The following RMDN1 variants were observed in gnomAD, a reference collection of about 807,000 sequenced individuals.
The protein encoded by RMDN1 is regulator of microtubule dynamics 1.
A neutral mutation model predicts 48.9 loss-of-function variants in RMDN1; 48 were observed. The observed-to-expected ratio is 0.98, with a 90% CI of 0.78 to 1.25. The LOEUF is 1.25. Ranked by LOEUF, RMDN1 falls within the 50% of genes most tolerant of loss-of-function variation. RMDN1 has a pLI of 0.00. For synonymous variants in RMDN1, 148 were observed against 132.6 expected, an observed-to-expected ratio of 1.12 and a Z score of -0.80; for missense variants, 418 against 373.4, an observed-to-expected ratio of 1.12 and a Z score of -0.98.
chr8:86,507,735 T>G (rs1001321275), intron 1 of RMDN1, among the ~76,000 whole-genome samples: 1 of 152,184 alleles, frequency 6.6e-6, no homozygotes, highest in African/African-American at 2.4e-5. Flanking sequence ...GCCTATATTA[T>G]CTATAACCTC....
intron 3 of RMDN1, among the ~76,000 whole-genome samples, chr8:86,487,658 AT>A (rs751768821): frequency 7.2e-5 from 11 of 152,146 alleles, no homozygotes; most frequent in South Asian, 6.2e-4. Context: ...TCCTAACTTT[AT>A]TTTTTTAACA....
chr8:86,504,447 G>T, intron 2 of RMDN1: 1 of 1,561,174 alleles, frequency 6.4e-7, no homozygotes, highest in Non-Finnish European at 8.8e-7. Context: ...TCAATGTTGT[G>T]TTCTATTACT....
chr8:86,504,467 T>C, intron 2 of RMDN1: 2 of 1,555,984 alleles, frequency 1.3e-6, no homozygotes, highest in Non-Finnish European at 1.8e-6. Flanking sequence ...TCAACAGGAA[T>C]CTTCAAGGAT....
downstream of RMDN1, among the ~76,000 whole-genome samples, chr8:86,469,499 T>C (rs972444587): frequency 2.6e-5 from 4 of 152,126 alleles, no homozygotes; most frequent in Non-Finnish European, 4.4e-5. Context: ...TACCATTTCA[T>C]AGATTGCTGT....
intron 2 of RMDN1, among the ~76,000 whole-genome samples, chr8:86,498,686 T>C (rs549899607): frequency 1.3e-5 from 2 of 152,082 alleles, no homozygotes; most frequent in South Asian, 4.2e-4. Context: ...GAGGTGGAAG[T>C]GGGAGGATCA....
chr8:86,506,762 A>C (rs1819431560), intron 2 of RMDN1, among the ~76,000 whole-genome samples: 1 of 152,168 alleles, frequency 6.6e-6, no homozygotes, highest in African/African-American at 2.4e-5. Flanking sequence ...AGTGGGGTTT[A>C]GCTGGAAAAG....
At chr8:86,469,532 AG>A (rs1451583956), downstream of RMDN1, among the ~76,000 whole-genome samples, 1 of 152,142 alleles carries the variant, frequency 6.6e-6, no homozygotes, top group Non-Finnish European at 1.5e-5. Flanking sequence ...TTCTGAGAGG[AG>A]GTTCAAAATT....
At chr8:86,501,051 G>C (rs986034183) in intron 2 of RMDN1, among the ~76,000 whole-genome samples, 1 of 152,120 alleles carries the variant, frequency 6.6e-6, no homozygotes, top group Non-Finnish European at 1.5e-5. Flanking sequence ...TACTAGAATG[G>C]GGAGGGCAGG....
chr8:86,508,833 G>A (rs189697201), upstream of RMDN1: 2 of 1,267,054 alleles, frequency 1.6e-6, no homozygotes, highest in Non-Finnish European at 2.0e-6. Flanking sequence ...GGGACTTAAT[G>A]GACTTTCCGC....
At chr8:86,481,990 T>C in intron 5 of RMDN1, 1 of 852,108 alleles carries the variant, frequency 1.2e-6, no homozygotes, top group Non-Finnish European at 2.0e-6. Context: ...GGAAATGGTG[T>C]CCAGGAGTAC....
intron 2 of RMDN1, among the ~76,000 whole-genome samples, chr8:86,506,041 A>G (rs1474559813): frequency 6.6e-6 from 1 of 152,210 alleles, no homozygotes; most frequent in Non-Finnish European, 1.5e-5. Context: ...AATGGAGTCA[A>G]GGGAAGGGAA....
chr8:86,494,488 C>T (rs1816997223), intron 2 of RMDN1, among the ~76,000 whole-genome samples: 2 of 151,772 alleles, frequency 1.3e-5, no homozygotes, highest in African/African-American at 2.4e-5. Context: ...TCCAGGAGGT[C>T]GAGGCTGCAA....
chr8:86,497,712 A>G (rs996563196), intron 2 of RMDN1, among the ~76,000 whole-genome samples: 9 of 151,560 alleles, frequency 5.9e-5, no homozygotes, highest in Admixed American at 3.3e-4. Context: ...AAAAAAAAAA[A>G]AAAGAAAGAA....
intron 5 of RMDN1, among the ~76,000 whole-genome samples, chr8:86,484,385 G>A (rs1234651901): frequency 1.3e-5 from 2 of 152,184 alleles, no homozygotes; most frequent in African/African-American, 4.8e-5. Flanking sequence ...CAATGTAGAA[G>A]TGCCACTGCG....
At chr8:86,472,202 A>G, downstream of RMDN1, 1 of 575,794 alleles carries the variant, frequency 1.7e-6, no homozygotes, top group Non-Finnish European at 3.1e-6. Context: ...ACAAACACAC[A>G]TGTATAAATA....
chr8:86,493,162 G>C (rs1295007619), intron 2 of RMDN1, among the ~76,000 whole-genome samples: 5 of 152,176 alleles, frequency 3.3e-5, no homozygotes, highest in Non-Finnish European at 7.3e-5. Flanking sequence ...GCTATGGTCT[G>C]TAGTCTCACA....
intron 8 of RMDN1, among the ~76,000 whole-genome samples, chr8:86,476,625 A>G (rs1209313049): frequency 1.3e-5 from 2 of 152,242 alleles, no homozygotes; most frequent in Admixed American, 1.3e-4. Context: ...ACTCTTTTTC[A>G]CAATATCTGC....
At chr8:86,492,363 G>A (rs1002871561) in intron 2 of RMDN1, among the ~76,000 whole-genome samples, 3 of 152,168 alleles carry the variant, frequency 2.0e-5, no homozygotes, top group Admixed American at 2.0e-4. Flanking sequence ...ATTTTAAGGA[G>A]GTAATGAGGC....
intron 8 of RMDN1, among the ~76,000 whole-genome samples, chr8:86,475,635 A>G (rs1186277600): frequency 6.6e-6 from 1 of 152,200 alleles, no homozygotes; most frequent in Non-Finnish European, 1.5e-5. Context: ...ATGAATGAAA[A>G]CATGGAATTA....
Sources: gnomAD v4.1 joint callset for allele counts (sites outside exome capture counted in the v4.1 genomes callset) on GRCh38, gnomAD v4.1.1 for gene constraint, MANE v1.5 for transcripts, NCBI Gene and HGNC (gene_info 2026-07-23, HGNC 2026-07-21) for gene names.